The following TMEM163 variants were observed in gnomAD, a reference collection of about 807,000 sequenced individuals.
The protein encoded by TMEM163 is transmembrane protein 163.
Under a neutral mutation model 29.3 loss-of-function variants are expected in TMEM163, and 17 were observed. The ratio of observed to expected loss-of-function variants is 0.58; its 90% CI spans 0.40 to 0.87. TMEM163 has a LOEUF of 0.87. Ranked by LOEUF, TMEM163 falls within the 40% of genes least tolerant of loss-of-function variation. The pLI is 0.00. For missense variants in TMEM163, 303 were observed against 381.5 expected, an observed-to-expected ratio of 0.79 and a Z score of 1.71; for synonymous variants, 157 against 160.6, an observed-to-expected ratio of 0.98 and a Z score of 0.17.
chr2:134,641,334 C>T (rs1289508259), intron 2 of TMEM163, among the ~76,000 whole-genome samples: 2 of 152,118 alleles, frequency 1.3e-5, no homozygotes, highest in African/African-American at 2.4e-5. Flanking sequence ...TATACAAATA[C>T]TAACTAGAAA....
chr2:134,541,465 G>C (rs942321517), intron 4 of TMEM163, among the ~76,000 whole-genome samples: 2 of 152,158 alleles, frequency 1.3e-5, no homozygotes, highest in Non-Finnish European at 2.9e-5. Flanking sequence ...CAGACTTCTA[G>C]TAATTTATCC....
chr2:134,631,118 T>C (rs1400601316), intron 2 of TMEM163, among the ~76,000 whole-genome samples: 1 of 152,178 alleles, frequency 6.6e-6, no homozygotes, highest in African/African-American at 2.4e-5. Flanking sequence ...GACCTTCTAA[T>C]GCTTCTAATA....
chr2:134,575,053 G>C (rs1473492619), intron 2 of TMEM163, among the ~76,000 whole-genome samples: 2 of 152,030 alleles, frequency 1.3e-5, no homozygotes, highest in East Asian at 1.9e-4. Flanking sequence ...GTGGGGGGGT[G>C]GGGGAAGGGG....
At chr2:134,522,720 T>C (rs532225092) in intron 4 of TMEM163, among the ~76,000 whole-genome samples, 10 of 152,250 alleles carry the variant, frequency 6.6e-5, no homozygotes, top group Non-Finnish European at 1.3e-4. Flanking sequence ...AAGTCATTTA[T>C]TATTCCTGCC....
chr2:134,536,049 G>A (rs1680534178), intron 4 of TMEM163, among the ~76,000 whole-genome samples: 1 of 152,082 alleles, frequency 6.6e-6, no homozygotes, highest in Non-Finnish European at 1.5e-5. Flanking sequence ...CATTGTGTGT[G>A]TATATATATT....
intron 1 of TMEM163, 97 bp downstream of exon 1, chr2:134,718,637 G>A (rs1463925805): frequency 2.1e-6 from 2 of 958,946 alleles, no homozygotes. Flanking sequence ...CGCGCGCTCC[G>A]AGCCCCGCGC....
chr2:134,578,556 C>G (rs542911973), intron 2 of TMEM163, among the ~76,000 whole-genome samples: 1 of 152,102 alleles, frequency 6.6e-6, no homozygotes, highest in South Asian at 2.1e-4. Flanking sequence ...GATTGGATAA[C>G]GAAGAGCAAA....
At chr2:134,677,997 G>T (rs1272183966) in intron 2 of TMEM163, among the ~76,000 whole-genome samples, 1 of 152,150 alleles carries the variant, frequency 6.6e-6, no homozygotes, top group East Asian at 1.9e-4. Flanking sequence ...CACAAAAAAC[G>T]AAGGCGTGCC....
chr2:134,649,629 C>T (rs1683419921), intron 2 of TMEM163, among the ~76,000 whole-genome samples: 1 of 152,130 alleles, frequency 6.6e-6, no homozygotes, highest in African/African-American at 2.4e-5. Flanking sequence ...AATATGGATG[C>T]ATATTTTAAT....
chr2:134,519,477 C>T (rs566639208), intron 4 of TMEM163, among the ~76,000 whole-genome samples: 46 of 152,086 alleles, frequency 3.0e-4, no homozygotes, highest in African/African-American at 1.0e-3. Flanking sequence ...TTTAGGAGGC[C>T]GAGGCGGGCA....
chr2:134,456,509 T>C lies in TMEM163; in HGVS notation c.*207A>G, dbSNP rs574894299. On this transcript the variant is annotated 3_prime_UTR_variant, in exon 8 of 8. Coordinates refer to ENST00000281924, the MANE Select transcript of TMEM163 (RefSeq NM_030923.5). ...GGAGACGGGGAAGGAGGTCCATTCC[T>C]ATGGGCATTGTCCCAACATGTTTGA... 3 of 608,172 alleles carry C rather than the reference T, an allele frequency of 4.9e-6. 1 individual carries two copies. The highest frequency in any genetic ancestry group is 3.9e-5 in the South Asian group (2 of 51,268). 37.7% of individuals were successfully genotyped at this position (608,172 alleles called of 1,614,324 possible).
At chr2:134,524,970 ATCTACGTTCCTAC>A (rs1280056912) in intron 4 of TMEM163, among the ~76,000 whole-genome samples, 1 of 134,674 alleles carries the variant, frequency 7.4e-6, no homozygotes, top group Non-Finnish European at 1.6e-5. Context: ...GGTTGAACTA[ATCTACGTTCCTAC>A]CAACAGTGTA....
In TMEM163 at chr2:134,606,954, C is replaced by T. The variant is rs545391023; in HGVS notation, c.323-54863G>A. 1.5e-3 allele frequency among the ~76,000 whole-genome samples: 218 copies of T among 145,226 alleles called. 1 individual carries two copies. The highest frequency in any genetic ancestry group is 2.7e-3 in the Non-Finnish European group (179 of 67,358). On this transcript the variant is annotated intron_variant, in intron 2 of 7. Transcript: ENST00000281924. ...TGCTGGTGAAAAGGAGGACAGACCCCGAGAACTGTACTGGTGAAAAGGAGG... is the reference window on the plus strand; with the variant it reads ...TGCTGGTGAAAAGGAGGACAGACCCTGAGAACTGTACTGGTGAAAAGGAGG...
At chr2:134,539,825 A>T (rs1680626735) in intron 4 of TMEM163, among the ~76,000 whole-genome samples, 1 of 152,218 alleles carries the variant, frequency 6.6e-6, no homozygotes, top group Non-Finnish European at 1.5e-5. Flanking sequence ...ACAAGCCCGC[A>T]GAGATTTCTT....
chr2:134,535,013 G>C (rs1048199369), intron 4 of TMEM163, among the ~76,000 whole-genome samples: 2 of 152,164 alleles, frequency 1.3e-5, no homozygotes, highest in South Asian at 4.1e-4. Context: ...TTTCCCAGAA[G>C]AGACTTGTCA....
intron 5 of TMEM163, among the ~76,000 whole-genome samples, chr2:134,479,784 C>T (rs1027707375): frequency 2.0e-5 from 3 of 152,202 alleles, no homozygotes; most frequent in African/African-American, 7.2e-5. Flanking sequence ...GCTCAGGGCT[C>T]CCAACCATCC....
At chr2:134,473,314 T>A (rs1686845037) in intron 5 of TMEM163, among the ~76,000 whole-genome samples, 1 of 151,978 alleles carries the variant, frequency 6.6e-6, no homozygotes, top group African/African-American at 2.4e-5. Context: ...GGCAGGTGGA[T>A]CACTTGAGGT....
At chr2:134,596,280 A>G (rs1376945810) in intron 2 of TMEM163, among the ~76,000 whole-genome samples, 7 of 152,112 alleles carry the variant, frequency 4.6e-5, no homozygotes, top group African/African-American at 1.4e-4. Context: ...ATTTTGAATT[A>G]ATTTTTGTAT....
chr2:134,598,352 A>AATAAT (rs918040398), intron 2 of TMEM163, among the ~76,000 whole-genome samples: 2 of 152,220 alleles, frequency 1.3e-5, no homozygotes, highest in African/African-American at 4.8e-5. Context: ...TATTTATGGT[A>AATAAT]ATAATAGTAG....
Sources: allele counts gnomAD v4.1 joint callset (sites outside exome capture counted in the v4.1 genomes callset), GRCh38; gene constraint gnomAD v4.1.1; transcripts MANE v1.5; gene names NCBI Gene and HGNC (gene_info 2026-07-23, HGNC 2026-07-21).